Variants in ALPK2 observed in about 807,000 individuals in gnomAD.
ALPK2 encodes alpha kinase 2.
Under a neutral mutation model 163.1 loss-of-function variants are expected in ALPK2, and 127 were observed. The ratio of observed to expected loss-of-function variants is 0.78; its 90% CI spans 0.67 to 0.90. The LOEUF is 0.90. Ranked by LOEUF, ALPK2 falls within the 40% of genes least tolerant of loss-of-function variation. ALPK2 has a pLI of 0.00. For synonymous variants in ALPK2, 953 were observed against 959.1 expected (o/e 0.99, Z 0.12); for missense variants, 2,360 against 2,589.6 (o/e 0.91, Z 1.92).
chr18:58,544,543 T>C (rs957495677), intron 4 of ALPK2: 22 of 152,234 alleles, frequency 1.4e-4, no homozygotes, highest in African/African-American at 5.3e-4. Flanking sequence ...GAAAACAAGA[T>C]GTACATAGAT....
At chr18:58,545,292 C>T (rs1174106966) in intron 4 of ALPK2, 1 of 151,558 alleles carries the variant, frequency 6.6e-6, no homozygotes, top group Non-Finnish European at 1.5e-5. Flanking sequence ...TGCAGCTTCT[C>T]AGCAGCCTAA....
chr18:58,590,218 TAAAAAA>T (rs11286325), intron 3 of ALPK2, among the ~76,000 whole-genome samples: 1 of 97,250 alleles, frequency 1.0e-5, no homozygotes, highest in Non-Finnish European at 2.0e-5. Context: ...AGGCTCCATC[TAAAAAA>T]AAAAAAAAAA....
chr18:58,568,335 G>A (rs2051867251), intron 4 of ALPK2, among the ~76,000 whole-genome samples: 1 of 152,134 alleles, frequency 6.6e-6, no homozygotes, highest in South Asian at 2.1e-4. Context: ...GGAAATCACG[G>A]GCAAGGACTC....
At chr18:58,539,831 G>A (rs2051681276) in intron 4 of ALPK2, among the ~76,000 whole-genome samples, 1 of 152,118 alleles carries the variant, frequency 6.6e-6, no homozygotes, top group Non-Finnish European at 1.5e-5. Context: ...TGGGAAGCAG[G>A]ACAACAGCAT....
intron 4 of ALPK2, among the ~76,000 whole-genome samples, chr18:58,570,647 C>T (rs1707815843): frequency 6.6e-6 from 1 of 152,202 alleles, no homozygotes; most frequent in Non-Finnish European, 1.5e-5. Context: ...TGGACTTGCA[C>T]GTCAAGGCCT....
intron 4 of ALPK2, among the ~76,000 whole-genome samples, chr18:58,545,679 GCATA>G (rs2051714164): frequency 6.6e-6 from 1 of 151,720 alleles, no homozygotes; most frequent in African/African-American, 2.4e-5. Context: ...GCCCTACCAT[GCATA>G]ATTTTCATTC....
At chr18:58,492,649 A>T (rs992827686) in intron 12 of ALPK2, among the ~76,000 whole-genome samples, 2 of 152,094 alleles carry the variant, frequency 1.3e-5, no homozygotes, top group Non-Finnish European at 2.9e-5. Context: ...CTCTGTTCAG[A>T]TTCATCTCTG....
At position 58,579,284 on chromosome 18, in the gene ALPK2, G is replaced by T. The variant is rs764383801; in HGVS notation, c.1492C>A (p.Leu498Ile). 6.2e-7 allele frequency: 1 copy of T among 1,614,144 alleles called. No homozygotes were observed. Among genetic ancestry groups the T allele is most frequent in the Non-Finnish European group, 8.5e-7 (1 of 1,180,038 alleles). The change falls in exon 4 of 13, where the codon CTC (leucine) becomes ATC (isoleucine). Residue 498 changes from leucine (L) to isoleucine (I), a missense_variant. Transcript: ENST00000361673. Reference sequence around the variant, plus strand: ...GAGTTTTCTGACTCACCAGACAAGAGCTTCATCTCTGTCTCTCTTACTGAT... The same window carrying T: ...GAGTTTTCTGACTCACCAGACAAGATCTTCATCTCTGTCTCTCTTACTGAT... ...DESVRETEMKLLSGESENSGM... is the reference protein window; with the variant it reads ...DESVRETEMKILSGESENSGM...
At chr18:58,574,438 C>CAAAAAAA (rs34107333) in intron 4 of ALPK2, among the ~76,000 whole-genome samples, 1 of 49,402 alleles carries the variant, frequency 2.0e-5, no homozygotes, top group Non-Finnish European at 3.9e-5. Context: ...GACTCCATCT[C>CAAAAAAA]AAAAAAAAAA....
Position 58,535,702 on chromosome 18 carries a change from C to A in ALPK2, c.4485G>T (p.Leu1495=). The A allele has an allele frequency of 1.9e-6, 3 of 1,614,262 alleles. No homozygotes were observed. Among genetic ancestry groups the A allele is most frequent in the Non-Finnish European group, 2.5e-6 (3 of 1,180,040 alleles). Residue 1495 remains leucine, a synonymous_variant, in exon 5 of 13, where the codon CTG becomes CTT. Transcript: ENST00000361673. ...EEAKTAIWQV[L]QPSEGGERIP... ...TTCTTTCACCGCCTTCGCTGGGTTG[C>A]AGGACTTGCCAAATGGCAGTTTTTG...
rs545965176 is a variant in ALPK2 at position 58,535,418 on chromosome 18, G to C, written c.4769C>G (p.Thr1590Ser). The C allele has an allele frequency of 1.9e-6, 3 of 1,614,196 alleles. No homozygotes were observed. Among genetic ancestry groups the C allele is most frequent in the Admixed American group, 3.3e-5 (2 of 60,036 alleles). Reference sequence around the variant, plus strand: ...AGGTTTCCCACGCTCATTCTCAATAGTTCCCCTTTTCTGTGAAACAGGAAA... The same window carrying C: ...AGGTTTCCCACGCTCATTCTCAATACTTCCCCTTTTCTGTGAAACAGGAAA... ...YVFPVSQKRG[T>S]IENERGKPLP... The change falls in exon 5 of 13, where the codon ACT becomes AGT. Residue 1590 changes from threonine to serine, a missense_variant. Physicochemically the swap from Thr to Ser is moderately conservative, Grantham distance 58 (BLOSUM62 1). Coordinates refer to ENST00000361673, the MANE Select transcript of ALPK2 (RefSeq NM_052947.4).
chr18:58,501,173 C>T (rs966466565), intron 11 of ALPK2, among the ~76,000 whole-genome samples: 1 of 152,184 alleles, frequency 6.6e-6, no homozygotes, highest in Non-Finnish European at 1.5e-5. Context: ...CCACGTTAAA[C>T]CACACACGTC....
At chr18:58,618,511 A>G (rs573811111) in intron 1 of ALPK2, among the ~76,000 whole-genome samples, 1 of 152,302 alleles carries the variant, frequency 6.6e-6, no homozygotes, top group East Asian at 1.9e-4. Context: ...CACTTCTTCT[A>G]TAAAACTAAG....
At chr18:58,614,434 G>A (rs761394203) in intron 1 of ALPK2, among the ~76,000 whole-genome samples, 78 of 152,280 alleles carry the variant, frequency 5.1e-4, no homozygotes, top group Non-Finnish European at 8.1e-4. Flanking sequence ...ATGGGGCTCC[G>A]GTTCATACAT....
At chr18:58,612,018 C>A (rs1040280358) in intron 1 of ALPK2, among the ~76,000 whole-genome samples, 2 of 152,152 alleles carry the variant, frequency 1.3e-5, no homozygotes, top group Non-Finnish European at 2.9e-5. Context: ...TCGGGGATGT[C>A]CTGTGCATTG....
intron 1 of ALPK2, among the ~76,000 whole-genome samples, chr18:58,626,883 CAA>C (rs10715073): frequency 9.5e-4 from 133 of 140,616 alleles, no homozygotes; most frequent in Admixed American, 3.0e-3. Flanking sequence ...AAAGTTTTAG[CAA>C]AAAAAAAAAA....
At chr18:58,603,905 C>G (rs1446686688) in intron 3 of ALPK2, among the ~76,000 whole-genome samples, 1 of 152,070 alleles carries the variant, frequency 6.6e-6, no homozygotes, top group Non-Finnish European at 1.5e-5. Context: ...CTTTCCATTT[C>G]TCTTCCCTGC....
At chr18:58,591,431 A>T (rs1380961270) in intron 3 of ALPK2, among the ~76,000 whole-genome samples, 1 of 152,194 alleles carries the variant, frequency 6.6e-6, no homozygotes, top group Non-Finnish European at 1.5e-5. Context: ...GGAGCCTCCC[A>T]TCCAGTAAGG....
At position 58,536,117 on chromosome 18, in the gene ALPK2, A is replaced by G; in HGVS notation, c.4070T>C (p.Leu1357Pro). 6.2e-7 allele frequency: 1 copy of G among 1,614,156 alleles called. No individual in the cohort carries two copies. Among genetic ancestry groups the G allele is most frequent in the Non-Finnish European group, 8.5e-7 (1 of 1,180,030 alleles). Residue 1357 changes from leucine (L) to proline (P), a missense_variant, in exon 5 of 13, where the codon CTG becomes CCG. Coordinates refer to ENST00000361673, the MANE Select transcript of ALPK2 (RefSeq NM_052947.4). Reference protein sequence around the residue: ...DEKELSVTDSLSAASETGGKE... With the variant: ...DEKELSVTDSPSAASETGGKE... The stretch of plus-strand genomic sequence containing the variant: ...CCCTCCAGTTTCAGAAGCCGCTGAC[A>G]GTGAATCTGTGACAGATAACTCCTT...
Sources: allele counts gnomAD v4.1 joint callset (sites outside exome capture counted in the v4.1 genomes callset), GRCh38; gene constraint gnomAD v4.1.1; transcripts MANE v1.5; gene names NCBI Gene and HGNC (gene_info 2026-07-23, HGNC 2026-07-21).